The following CDKAL1 variants were observed in gnomAD, a reference collection of about 807,000 sequenced individuals.
CDKAL1 encodes the protein threonylcarbamoyladenosine tRNA methylthiotransferase.
A neutral mutation model predicts 68.2 loss-of-function variants in CDKAL1; 32 were observed. The observed-to-expected ratio is 0.47, with a 90% CI of 0.35 to 0.63. The LOEUF (loss-of-function observed/expected upper bound fraction) is 0.63. Ranked by LOEUF, CDKAL1 falls within the 30% of genes least tolerant of loss-of-function variation. The pLI is 0.00. For missense variants in CDKAL1, 606 were observed against 696.7 expected, an observed-to-expected ratio of 0.87 and a Z score of 1.47; for synonymous variants, 234 against 244.3, an observed-to-expected ratio of 0.96 and a Z score of 0.39.
chr6:20,774,412 T>C (rs1393879318), intron 7 of CDKAL1, among the ~76,000 whole-genome samples: 1 of 152,186 alleles, frequency 6.6e-6, no homozygotes, highest in East Asian at 1.9e-4. Context: ...AATTAATATA[T>C]GTCTTTATGT....
intron 10 of CDKAL1, among the ~76,000 whole-genome samples, chr6:20,981,562 C>T (rs1209543946): frequency 6.6e-6 from 1 of 152,110 alleles, no homozygotes; most frequent in Non-Finnish European, 1.5e-5. Flanking sequence ...TTTGATGAGG[C>T]CGGGCACAGT....
At chr6:20,922,290 GTTT>G (rs893143960) in intron 9 of CDKAL1, among the ~76,000 whole-genome samples, 13 of 152,140 alleles carry the variant, frequency 8.5e-5, no homozygotes, top group Non-Finnish European at 1.3e-4. Flanking sequence ...ATTGTAAAGG[GTTT>G]TTGACATTTT....
chr6:20,911,157 A>T (rs1363995897), intron 9 of CDKAL1, among the ~76,000 whole-genome samples: 5 of 152,236 alleles, frequency 3.3e-5, no homozygotes, highest in Admixed American at 6.5e-5. Context: ...ATCTAATTTG[A>T]TATTTATGAT....
chr6:20,994,348 A>G (rs753173690), intron 10 of CDKAL1, among the ~76,000 whole-genome samples: 4 of 152,154 alleles, frequency 2.6e-5, no homozygotes, highest in Non-Finnish European at 5.9e-5. Context: ...GTACGGTGGC[A>G]GGCACCTGTA....
At chr6:21,004,325 G>A (rs946074015) in intron 11 of CDKAL1, among the ~76,000 whole-genome samples, 3 of 152,300 alleles carry the variant, frequency 2.0e-5, no homozygotes, top group African/African-American at 7.2e-5. Flanking sequence ...ATTCTCTTCA[G>A]TTGTTTGAAA....
At chr6:20,800,475 A>G (rs1278416756) in intron 8 of CDKAL1, 1 of 152,206 alleles carries the variant, frequency 6.6e-6, no homozygotes, top group African/African-American at 2.4e-5. Context: ...AAAGGTACAC[A>G]AAGAAGCTTT....
At chr6:21,201,817 G>A (rs1475207611) in intron 15 of CDKAL1, among the ~76,000 whole-genome samples, 1 of 151,990 alleles carries the variant, frequency 6.6e-6, no homozygotes, top group Admixed American at 6.6e-5. Flanking sequence ...TTTATACCTT[G>A]GTAAATATGG....
chr6:21,167,387 G>A (rs888749209), intron 13 of CDKAL1, among the ~76,000 whole-genome samples: 3 of 152,132 alleles, frequency 2.0e-5, no homozygotes, highest in Admixed American at 6.5e-5. Context: ...ACTATGGCAG[G>A]ACTGTTTTAT....
chr6:21,123,924 G>A (rs999532037), intron 13 of CDKAL1, among the ~76,000 whole-genome samples: 1 of 152,154 alleles, frequency 6.6e-6, no homozygotes, highest in African/African-American at 2.4e-5. Flanking sequence ...GCCCCCCAAA[G>A]GTCAGCAGCT....
At chr6:21,114,627 G>A (rs1158685859) in intron 13 of CDKAL1, among the ~76,000 whole-genome samples, 1 of 151,968 alleles carries the variant, frequency 6.6e-6, no homozygotes, top group African/African-American at 2.4e-5. Context: ...CCAGCTACTC[G>A]GGAGGCTGAA....
chr6:20,551,534 AT>A (rs1362572971), intron 4 of CDKAL1, among the ~76,000 whole-genome samples: 1 of 150,300 alleles, frequency 6.7e-6, no homozygotes, highest in Non-Finnish European at 1.5e-5. Context: ...TGCCTGGCTA[AT>A]TTTTTTGTAT....
In CDKAL1 at chr6:20,992,208, A is replaced by ATATATGTATG. The variant is rs200094831; in HGVS notation, c.910-8016_910-8015insATGTATGTAT. 7.5e-4 allele frequency among the ~76,000 whole-genome samples: 108 copies of ATATATGTATG among 144,628 alleles called. 6 individuals are homozygous for ATATATGTATG. The highest frequency in any genetic ancestry group is 2.9e-3 in the African/African-American group (102 of 35,412). 94.9% of individuals were successfully genotyped at this position (144,628 alleles called of 152,430 possible). On this transcript the variant is annotated intron_variant, in intron 10 of 15. Transcript: ENST00000274695. Reference sequence around the variant, plus strand: ...ATAGTCAGCTTTTTTATATATATATATATGTATTTTGTATTATATGTATAT... The same window carrying ATATATGTATG: ...ATAGTCAGCTTTTTTATATATATATATATATGTATGTATGTATTTTGTATTATATGTATAT...
intron 4 of CDKAL1, 74 bp downstream of exon 4, chr6:20,548,779 G>T (rs990374586): frequency 6.0e-6 from 4 of 666,562 alleles, no homozygotes; most frequent in South Asian, 4.0e-5. Context: ...TAGCCTAGCA[G>T]TTAAAGGGTA....
intron 5 of CDKAL1, among the ~76,000 whole-genome samples, chr6:20,736,935 CAGTGTTATGTTCTCA>C (rs779194441): frequency 1.8e-4 from 27 of 152,026 alleles, no homozygotes; most frequent in Non-Finnish European, 4.0e-4. Flanking sequence ...ACTATGTCAC[CAGTGTTATGTTCTCA>C]AAGTTCCACT....
intron 10 of CDKAL1, among the ~76,000 whole-genome samples, chr6:20,968,786 A>T (rs1424692794): frequency 2.0e-5 from 3 of 151,864 alleles, no homozygotes; most frequent in Non-Finnish European, 2.9e-5. Context: ...TTGGTACTCT[A>T]TTTGGTGAGA....
At chr6:20,780,834 C>T (rs559563216) in intron 7 of CDKAL1, among the ~76,000 whole-genome samples, 9 of 151,944 alleles carry the variant, frequency 5.9e-5, no homozygotes, top group Middle Eastern at 3.4e-3. Context: ...CCACCACACC[C>T]GGCTTATTTT....
chr6:20,693,129 CAAAAAAAAAAAAA>C (rs70990059), intron 5 of CDKAL1, among the ~76,000 whole-genome samples: 7 of 67,614 alleles, frequency 1.0e-4, no homozygotes, highest in Non-Finnish European at 1.8e-4. Flanking sequence ...GACTCTGTCT[CAAAAAAAAAAAAA>C]AAAAAAAAAA....
intron 6 of CDKAL1, among the ~76,000 whole-genome samples, chr6:20,748,592 A>C (rs111249476): frequency 2.1e-5 from 3 of 139,902 alleles, no homozygotes; most frequent in African/African-American, 7.9e-5. Flanking sequence ...AAAAAAAAAA[A>C]AAAGCTATAG....
intron 12 of CDKAL1, among the ~76,000 whole-genome samples, chr6:21,098,890 G>A (rs1221609994): frequency 2.6e-5 from 4 of 152,136 alleles, no homozygotes; most frequent in Non-Finnish European, 5.9e-5. Context: ...TTTGGTGTTA[G>A]CTGGAAAAGT....
Sources: gnomAD v4.1 joint callset for allele counts (sites outside exome capture counted in the v4.1 genomes callset) on GRCh38, gnomAD v4.1.1 for gene constraint, MANE v1.5 for transcripts, NCBI Gene and HGNC (gene_info 2026-07-23, HGNC 2026-07-21) for gene names.